Variants in DNAH10 observed in about 807,000 individuals in gnomAD.
DNAH10 encodes the protein axonemal beta dynein heavy chain 10.
In DNAH10, 348 loss-of-function variants were observed where a neutral mutation model predicts 506.6. The observed-to-expected ratio is 0.69, with a 90% CI of 0.63 to 0.75. DNAH10 has a LOEUF of 0.75. Ranked by LOEUF, DNAH10 falls within the 30% of genes least tolerant of loss-of-function variation. DNAH10 has a pLI of 0.00. For synonymous variants in DNAH10, 2,059 were observed against 2,198.6 expected, an observed-to-expected ratio of 0.94 and a Z score of 1.78; for missense variants, 5,179 against 5,787.1, an observed-to-expected ratio of 0.89 and a Z score of 3.41.
At chr12:123,875,112 C>A in intron 46 of DNAH10, 119 bp from the exon 47 acceptor site, 2 of 1,180,548 alleles carry the variant, frequency 1.7e-6, no homozygotes, top group Non-Finnish European at 2.3e-6. Context: ...GAAACTGAAA[C>A]CGAGGTGCCC....
intron 28 of DNAH10, among the ~76,000 whole-genome samples, chr12:123,836,056 G>C (rs372119303): frequency 2.0e-5 from 3 of 152,094 alleles, no homozygotes; most frequent in Admixed American, 6.5e-5. Flanking sequence ...AGCAATATTT[G>C]CTTGTTTAAA....
chr12:123,814,928 A>C (rs948612988), intron 21 of DNAH10, among the ~76,000 whole-genome samples: 2 of 152,154 alleles, frequency 1.3e-5, no homozygotes, highest in African/African-American at 2.4e-5. Flanking sequence ...AGCCAGGTAG[A>C]TTTTTGTCAG....
In DNAH10 at chr12:123,926,284, C is replaced by A; in HGVS notation, c.11922-353C>A. 1 of 228,914 alleles carries A rather than the reference C, an allele frequency of 4.4e-6. No homozygotes were observed. The highest frequency in any genetic ancestry group is 8.6e-5 in the East Asian group (1 of 11,620). 14.2% of individuals were successfully genotyped at this position (228,914 alleles called of 1,614,324 possible). A position where few individuals can be genotyped will look rare whatever the true frequency, so the allele number is the denominator to read the frequency against. ...AAAGAAAAAACCCACACACAAAACA[C>A]AAAACTCAAAACTCAAGATGTGGAC... On this transcript the variant is annotated intron_variant, in intron 68 of 78. Coordinates refer to ENST00000673944, the MANE Select transcript of DNAH10 (RefSeq NM_001372106.1). The surrounding 1 kb of genome is among the most constrained non-coding windows in gnomAD (Gnocchi z 4.1).
intron 30 of DNAH10, among the ~76,000 whole-genome samples, chr12:123,842,913 C>G (rs1309991635): frequency 6.6e-6 from 1 of 152,256 alleles, no homozygotes; most frequent in African/African-American, 2.4e-5. Context: ...AACCCCTGCT[C>G]TGGGCGATTT....
intron 43 of DNAH10, 134 bp from the exon 44 acceptor site, chr12:123,870,232 A>C: frequency 8.7e-7 from 1 of 1,153,150 alleles, no homozygotes; most frequent in Non-Finnish European, 1.2e-6. Flanking sequence ...TGTCCAGTGA[A>C]GGAGCAGCAT....
chr12:123,794,192 G>T (rs1288602221), intron 12 of DNAH10, 80 bp downstream of exon 12: 5 of 979,174 alleles, frequency 5.1e-6, no homozygotes, highest in Admixed American at 5.4e-5. Flanking sequence ...ACTATTGTCT[G>T]TCTTTCCCAT....
intron 21 of DNAH10, among the ~76,000 whole-genome samples, chr12:123,814,609 A>ATTTCTTTTTTT (rs1959071450): frequency 8.2e-6 from 1 of 121,216 alleles, no homozygotes; most frequent in African/African-American, 3.4e-5. Flanking sequence ...GGCCAGGTAG[A>ATTTCTTTTTTT]TTTTTTTTTT....
chr12:123,822,423 C>G (rs1284537163), intron 24 of DNAH10, among the ~76,000 whole-genome samples: 1 of 152,050 alleles, frequency 6.6e-6, no homozygotes, highest in Non-Finnish European at 1.5e-5. Flanking sequence ...CTATGTTAGT[C>G]TGGGTTCTTG....
chr12:123,929,278 G>C lies in DNAH10; in HGVS notation c.12310G>C (p.Val4104Leu), dbSNP rs751161551. 1 of 1,587,766 alleles carries C rather than the reference G, an allele frequency of 6.3e-7. No individual in the cohort carries two copies. The highest frequency in any genetic ancestry group is 1.8e-5 in the Admixed American group (1 of 55,714). The change falls in exon 71 of 79, where the codon GTC (valine) becomes CTC (leucine). Residue 4104 changes from valine to leucine, a missense_variant. This residue lies in a region of DNAH10 where 4,844 missense variants were observed against 5,430.5 expected (regional missense o/e 0.89). Transcript: ENST00000673944. ...TGTGTTTTCTTCTCTTCTGAAGGTTGTCACCGAGCCACCCAATGGGCTGAA... is the reference window on the plus strand; with the variant it reads ...TGTGTTTTCTTCTCTTCTGAAGGTTCTCACCGAGCCACCCAATGGGCTGAA... ...IGILQKSLKV[V>L]TEPPNGLKLN...
chr12:123,881,058 C>T (rs1952487172), intron 50 of DNAH10, among the ~76,000 whole-genome samples: 1 of 152,024 alleles, frequency 6.6e-6, no homozygotes, highest in African/African-American at 2.4e-5. Flanking sequence ...CATTGATGGG[C>T]ATTTGGGTTG....
chr12:123,797,819 C>T (rs569590221), intron 13 of DNAH10, among the ~76,000 whole-genome samples: 18 of 152,340 alleles, frequency 1.2e-4, no homozygotes, highest in African/African-American at 4.3e-4. Flanking sequence ...TCGATATGAT[C>T]TCACCCCCCA....
At chr12:123,824,726 TTGCTCCTGTCTC>T (rs1959788192) in intron 24 of DNAH10, among the ~76,000 whole-genome samples, 1 of 152,152 alleles carries the variant, frequency 6.6e-6, no homozygotes, top group South Asian at 2.1e-4. Context: ...TGCGGCTGTG[TTGCTCCTGTCTC>T]TGCCTCCCTC....
rs1277810925 is a variant in DNAH10 at position 123,903,443 on chromosome 12, A to C, written c.9815+330A>C. Among the ~76,000 whole-genome samples, 1 of 152,212 alleles carries C rather than the reference A, an allele frequency of 6.6e-6. No individual in the cohort carries two copies. Among genetic ancestry groups the C allele is most frequent in the African/African-American group, 2.4e-5 (1 of 41,458 alleles). Reference sequence around the variant, plus strand: ...GCGGGGGCAAGTGTCCGCCCTAAGCAGGGGCAGGATGCTCACCATGGGGCT... The same window carrying C: ...GCGGGGGCAAGTGTCCGCCCTAAGCCGGGGCAGGATGCTCACCATGGGGCT... On this transcript the variant is annotated intron_variant, in intron 57 of 78. Coordinates refer to ENST00000673944, the MANE Select transcript of DNAH10 (RefSeq NM_001372106.1). This position sits in a 1 kb window ranked among gnomAD's most constrained non-coding sequence, Gnocchi z 4.6.
chr12:123,855,269 A>G (rs888604317), intron 36 of DNAH10, among the ~76,000 whole-genome samples: 3 of 152,120 alleles, frequency 2.0e-5, no homozygotes, highest in Non-Finnish European at 4.4e-5. Context: ...GTCCTAGGAG[A>G]CAACATAGAG....
intron 69 of DNAH10, chr12:123,927,536 C>G (rs2137665930): frequency 6.6e-6 from 1 of 152,438 alleles, no homozygotes; most frequent in East Asian, 1.9e-4. Flanking sequence ...CCTTTCTGAG[C>G]CAGTGAGCTT....
At position 123,903,253 on chromosome 12, in the gene DNAH10, CTG is replaced by C; in HGVS notation, c.9815+142_9815+143del. On this transcript the variant is annotated intron_variant, in intron 57 of 78. Coordinates refer to ENST00000673944, the MANE Select transcript of DNAH10 (RefSeq NM_001372106.1). The surrounding 1 kb of genome is among the most constrained non-coding windows in gnomAD (Gnocchi z 4.6). ...TGCCTGGCTCTCTCCATGGTGGAGA[CTG>C]TTGTTGCCCTCATTTTCGGATGGGG... 8.4e-7 allele frequency: 1 copy of C among 1,186,340 alleles called. No homozygotes were observed. The highest frequency in any genetic ancestry group is 1.1e-6 in the Non-Finnish European group (1 of 877,838). 73.5% of individuals were successfully genotyped at this position (1,186,340 alleles called of 1,614,324 possible). A position where few individuals can be genotyped will look rare whatever the true frequency, so the allele number is the denominator to read the frequency against.
chr12:123,800,682 CAAA>C (rs145211384), intron 15 of DNAH10, among the ~76,000 whole-genome samples: 1 of 94,402 alleles, frequency 1.1e-5, no homozygotes, highest in Non-Finnish European at 2.2e-5. Context: ...AGCCTGTATC[CAAA>C]AAAAAAAAAA....
chr12:123,838,570 A>G lies in DNAH10; in HGVS notation c.5017A>G (p.Asn1673Asp). Reference sequence around the variant, plus strand: ...CCTGGAGAAATGCCAGAAAAGCCTCAACGACTACTTAGATTCGAAGAGAAA... The same window carrying G: ...CCTGGAGAAATGCCAGAAAAGCCTCGACGACTACTTAGATTCGAAGAGAAA... The part of the protein sequence containing the change: ...EGLEKCQKSL[N>D]DYLDSKRNAF... Residue 1673 changes from asparagine to aspartate, a missense_variant, in exon 29 of 79, where the codon AAC becomes GAC. By Grantham distance (23) the Asn-to-Asp change is conservative. This residue lies in a region of DNAH10 where 4,844 missense variants were observed against 5,430.5 expected (regional missense o/e 0.89). Transcript: ENST00000673944. 2.5e-6 allele frequency: 4 copies of G among 1,614,060 alleles called. No homozygotes were observed. The highest frequency in any genetic ancestry group is 3.4e-6 in the Non-Finnish European group (4 of 1,179,912).
chr12:123,786,783 A>G (rs1957872199), intron 9 of DNAH10, among the ~76,000 whole-genome samples: 1 of 113,020 alleles, frequency 8.8e-6, no homozygotes, highest in Admixed American at 9.6e-5. Context: ...TTGAGGGTGT[A>G]GGGAGATGAT....
Sources: allele counts gnomAD v4.1 joint callset (sites outside exome capture counted in the v4.1 genomes callset), GRCh38; gene constraint gnomAD v4.1.1; regional missense constraint gnomAD v4.1.1; non-coding constraint Gnocchi (gnomAD v3.1); transcripts MANE v1.5; gene names NCBI Gene and HGNC (gene_info 2026-07-23, HGNC 2026-07-21).